CACNA2D3: variants seen among roughly 807,000 people sequenced by gnomAD.
CACNA2D3 encodes the protein calcium voltage-gated channel auxiliary subunit alpha2delta 3.
Under a neutral mutation model 160.6 loss-of-function variants are expected in CACNA2D3, and 60 were observed. That is an observed-to-expected ratio of 0.37 (90% CI 0.30 to 0.46). The LOEUF (loss-of-function observed/expected upper bound fraction) is 0.46. Ranked by LOEUF, CACNA2D3 falls within the 20% of genes least tolerant of loss-of-function variation. The probability of loss-of-function intolerance (pLI) is 1.00; values close to 1 mark genes in which losing one functional copy is unlikely to be tolerated. For missense variants in CACNA2D3, 1,205 were observed against 1,365.0 expected (o/e 0.88, Z 1.85); for synonymous variants, 558 against 492.9 (o/e 1.13, Z -1.75).
chr3:54,676,391 G>T (rs1033208529), intron 11 of CACNA2D3, among the ~76,000 whole-genome samples: 1 of 152,142 alleles, frequency 6.6e-6, no homozygotes, highest in African/African-American at 2.4e-5. Flanking sequence ...ACTTAGCATG[G>T]TTCCTGGGTC....
chr3:54,771,141 CAAG>C (rs894475226), intron 13 of CACNA2D3, among the ~76,000 whole-genome samples: 1 of 152,034 alleles, frequency 6.6e-6, no homozygotes, highest in African/African-American at 2.4e-5. Context: ...CTGTGTACTC[CAAG>C]AAGGAGAACA....
At chr3:54,713,619 C>T (rs138985016) in intron 11 of CACNA2D3, among the ~76,000 whole-genome samples, 2,829 of 152,210 alleles carry the variant, frequency 0.019, 36 homozygotes, top group Middle Eastern at 0.044. Flanking sequence ...TAGTTTCTAC[C>T]GCAGGATGAG....
intron 2 of CACNA2D3, among the ~76,000 whole-genome samples, chr3:54,187,266 A>G (rs1700894598): frequency 6.6e-6 from 1 of 152,208 alleles, no homozygotes; most frequent in African/African-American, 2.4e-5. Context: ...CTTAGATGTT[A>G]GCAAATAAAA....
Position 54,891,427 on chromosome 3 carries a change from C to T in CACNA2D3, c.2223C>T (p.Val741=), listed in dbSNP as rs758945452. ...GCCTCTCCAGAATCAACCTGTTTGT[C>T]GGGGCTGAGCAGCTCACCAATCAGT... The part of the protein sequence containing the change: ...RTGLSRINLF[V]GAEQLTNQDF... The change falls in exon 25 of 38, where the codon GTC becomes GTT. Residue 741 remains valine (V), a synonymous_variant. Coordinates refer to ENST00000474759, the MANE Select transcript of CACNA2D3 (RefSeq NM_018398.3). 24 of 1,613,638 alleles carry T rather than the reference C, an allele frequency of 1.5e-5. No individual in the cohort carries two copies. Among genetic ancestry groups the T allele is most frequent in the Middle Eastern group, 1.6e-4 (1 of 6,084 alleles).
At chr3:54,777,064 G>T (rs1490099976) in intron 13 of CACNA2D3, among the ~76,000 whole-genome samples, 7 of 152,128 alleles carry the variant, frequency 4.6e-5, no homozygotes, top group African/African-American at 1.7e-4. Flanking sequence ...TAATCCCAGA[G>T]AATCAGCCTG....
chr3:54,933,978 T>C (rs1358893048), intron 27 of CACNA2D3, among the ~76,000 whole-genome samples: 1 of 151,964 alleles, frequency 6.6e-6, no homozygotes, highest in South Asian at 2.1e-4. Context: ...GTCATGTTGG[T>C]CAGGCTGGTC....
intron 11 of CACNA2D3, among the ~76,000 whole-genome samples, chr3:54,727,671 A>G (rs1319304468): frequency 6.6e-6 from 1 of 152,172 alleles, no homozygotes; most frequent in African/African-American, 2.4e-5. Flanking sequence ...AAAGCCAAAC[A>G]CTGCATGTTC....
intron 5 of CACNA2D3, among the ~76,000 whole-genome samples, chr3:54,538,539 G>C (rs1559507468): frequency 6.6e-6 from 1 of 152,216 alleles, no homozygotes; most frequent in South Asian, 2.1e-4. Flanking sequence ...ATGCTCCTCT[G>C]ACAACACAAG....
At chr3:55,009,226 C>A (rs1241586864) in intron 33 of CACNA2D3, among the ~76,000 whole-genome samples, 162 bp from the exon 34 acceptor site, 1 of 152,180 alleles carries the variant, frequency 6.6e-6, no homozygotes, top group Admixed American at 6.5e-5. Flanking sequence ...GAAAGATAAA[C>A]CCCTGTGAAA....
chr3:54,815,554 T>C (rs974192022), intron 13 of CACNA2D3, among the ~76,000 whole-genome samples: 1 of 152,216 alleles, frequency 6.6e-6, no homozygotes, highest in Non-Finnish European at 1.5e-5. Context: ...GCACTTCTGA[T>C]GTCATAAGCT....
At chr3:55,033,820 AATATATT>A (rs1703745687) in intron 35 of CACNA2D3, among the ~76,000 whole-genome samples, 2 of 102,372 alleles carry the variant, frequency 2.0e-5, no homozygotes, top group African/African-American at 7.2e-5. Context: ...TTATATATTA[AATATATT>A]TAATATATAA....
chr3:54,919,442 T>C (rs1700772214), intron 27 of CACNA2D3, among the ~76,000 whole-genome samples: 1 of 152,250 alleles, frequency 6.6e-6, no homozygotes, highest in African/African-American at 2.4e-5. Context: ...TTGACAATAC[T>C]GGAAGTTTAG....
intron 5 of CACNA2D3, among the ~76,000 whole-genome samples, chr3:54,532,251 A>G (rs910004457): frequency 6.6e-6 from 1 of 152,228 alleles, no homozygotes; most frequent in Non-Finnish European, 1.5e-5. Flanking sequence ...CTGTAACTTT[A>G]GCCCCAATCC....
intron 27 of CACNA2D3, chr3:54,918,403 T>G: frequency 7.9e-7 from 1 of 1,261,658 alleles, no homozygotes; most frequent in South Asian, 1.2e-5. Context: ...ACATCAGCCC[T>G]ACTCAGACAC....
intron 34 of CACNA2D3, among the ~76,000 whole-genome samples, chr3:55,014,295 G>C (rs1703278629): frequency 1.3e-5 from 2 of 152,120 alleles, no homozygotes; most frequent in African/African-American, 4.8e-5. Context: ...CTCTCTGTGG[G>C]ACCCACGGCA....
At chr3:55,065,807 AC>A (rs1704622727) in intron 35 of CACNA2D3, among the ~76,000 whole-genome samples, 2 of 152,148 alleles carry the variant, frequency 1.3e-5, no homozygotes, top group African/African-American at 4.8e-5. Flanking sequence ...TTAAGCTGGG[AC>A]CACTCAATAA....
At chr3:55,068,789 C>G (rs1279820115) in intron 35 of CACNA2D3, among the ~76,000 whole-genome samples, 1 of 151,948 alleles carries the variant, frequency 6.6e-6, no homozygotes, top group Non-Finnish European at 1.5e-5. Context: ...TTTGCTTTTT[C>G]TTTCTTACAG....
chr3:54,978,840 T>G (rs946468412), intron 29 of CACNA2D3, among the ~76,000 whole-genome samples: 7 of 152,322 alleles, frequency 4.6e-5, no homozygotes, highest in Non-Finnish European at 2.9e-5. Flanking sequence ...GAAAAAAACC[T>G]TAAAATCAAC....
intron 11 of CACNA2D3, among the ~76,000 whole-genome samples, chr3:54,746,884 G>A (rs2107056829): frequency 6.6e-6 from 1 of 152,294 alleles, no homozygotes; most frequent in East Asian, 1.9e-4. Context: ...CTTTCTTGGG[G>A]AAAGAGGAAA....
Sources: gnomAD v4.1 joint callset for allele counts (sites outside exome capture counted in the v4.1 genomes callset) on GRCh38, gnomAD v4.1.1 for gene constraint, MANE v1.5 for transcripts, NCBI Gene and HGNC (gene_info 2026-07-23, HGNC 2026-07-21) for gene names.